Variants in PIP4K2A observed in about 807,000 individuals in gnomAD.
PIP4K2A encodes the protein phosphatidylinositol 5-phosphate 4-kinase type-2 alpha.
A neutral mutation model predicts 42.9 loss-of-function variants in PIP4K2A; 14 were observed. The observed-to-expected ratio is 0.33, with a 90% CI of 0.22 to 0.51. The LOEUF (loss-of-function observed/expected upper bound fraction) is 0.51. Among genes scored for constraint, PIP4K2A ranks in the 20% least tolerant of loss-of-function variants. The pLI, the probability that PIP4K2A is intolerant of heterozygous loss-of-function variation, is 0.97. For synonymous variants in PIP4K2A, 192 were observed against 192.2 expected (o/e 1.00, Z 0.01); for missense variants, 434 against 519.8 (o/e 0.83, Z 1.61).
chr10:22,664,263 A>C (rs1010501586), intron 1 of PIP4K2A, among the ~76,000 whole-genome samples: 1 of 141,440 alleles, frequency 7.1e-6, no homozygotes, highest in African/African-American at 2.6e-5. Context: ...ATATATATAC[A>C]CACACATACA....
chr10:22,562,016 AACCAGAGGT>A (rs1836717486), intron 6 of PIP4K2A, among the ~76,000 whole-genome samples: 1 of 152,216 alleles, frequency 6.6e-6, no homozygotes, highest in Admixed American at 6.5e-5. Context: ...AAATATTTCA[AACCAGAGGT>A]ACCAGTAGAT....
At chr10:22,566,455 C>A (rs988147182) in intron 6 of PIP4K2A, among the ~76,000 whole-genome samples, 1 of 152,112 alleles carries the variant, frequency 6.6e-6, no homozygotes, top group Admixed American at 6.5e-5. Flanking sequence ...GGGGGTCATC[C>A]TTAACCCCCT....
At chr10:22,637,865 C>G (rs1366246658) in intron 1 of PIP4K2A, among the ~76,000 whole-genome samples, 1 of 152,200 alleles carries the variant, frequency 6.6e-6, no homozygotes, top group African/African-American at 2.4e-5. Context: ...TTAAAAGGAT[C>G]TCAGCAAGTA....
intron 6 of PIP4K2A, among the ~76,000 whole-genome samples, chr10:22,552,562 T>C (rs1291827880): frequency 2.0e-5 from 3 of 152,136 alleles, no homozygotes; most frequent in East Asian, 1.9e-4. Context: ...TTCTCTCCTA[T>C]TAGAACTGTA....
chr10:22,652,308 A>G (rs1253529974), intron 1 of PIP4K2A, among the ~76,000 whole-genome samples: 1 of 151,912 alleles, frequency 6.6e-6, no homozygotes, highest in African/African-American at 2.4e-5. Flanking sequence ...TTTAGTAGAG[A>G]CAGGGTTTCA....
intron 1 of PIP4K2A, among the ~76,000 whole-genome samples, chr10:22,698,025 C>T (rs1252293582): frequency 6.6e-6 from 1 of 152,130 alleles, no homozygotes; most frequent in South Asian, 2.1e-4. Flanking sequence ...CAGTGGACAG[C>T]GACCTGCTTC....
intron 1 of PIP4K2A, among the ~76,000 whole-genome samples, chr10:22,655,209 C>T (rs1343991342): frequency 1.3e-5 from 2 of 152,194 alleles, no homozygotes; most frequent in Non-Finnish European, 2.9e-5. Flanking sequence ...AACAATTTGA[C>T]TCAATTGAAA....
At chr10:22,573,096 ATATT>A (rs1837028308) in intron 5 of PIP4K2A, among the ~76,000 whole-genome samples, 1 of 152,180 alleles carries the variant, frequency 6.6e-6, no homozygotes, top group East Asian at 1.9e-4. Context: ...AGTTGGCTGA[ATATT>A]TAAGTAGATG....
Position 22,610,018 on chromosome 10 carries a change from A to C in PIP4K2A, c.145-301T>G, listed in dbSNP as rs146337653. 2.7e-4 allele frequency among the ~76,000 whole-genome samples: 41 copies of C among 152,314 alleles called. No homozygotes were observed. The East Asian group carries it at 6.9e-3, about 26-fold the overall frequency. On this transcript the variant is annotated intron_variant, in intron 1 of 9. Transcript: ENST00000376573. Reference sequence around the variant, plus strand: ...TCCACTCTCCCTACCTTCCCTCCACAACCTCATCCCACAGACCCTTTGGTC... The same window carrying C: ...TCCACTCTCCCTACCTTCCCTCCACCACCTCATCCCACAGACCCTTTGGTC...
intron 1 of PIP4K2A, among the ~76,000 whole-genome samples, chr10:22,662,085 G>A (rs1190387067): frequency 3.3e-5 from 5 of 152,136 alleles, no homozygotes; most frequent in Non-Finnish European, 5.9e-5. Context: ...AAACAAAAAT[G>A]TACCCACCAT....
intron 1 of PIP4K2A, among the ~76,000 whole-genome samples, chr10:22,631,544 T>C (rs1341440806): frequency 6.6e-6 from 1 of 152,102 alleles, no homozygotes; most frequent in Non-Finnish European, 1.5e-5. Flanking sequence ...ATAATAAGTA[T>C]CTGTTATTTA....
intron 1 of PIP4K2A, among the ~76,000 whole-genome samples, chr10:22,673,074 T>C (rs16922580): frequency 0.14 from 21,786 of 152,112 alleles, 1,890 homozygotes; most frequent in African/African-American, 0.23. Context: ...TTGGGGTCTA[T>C]CTGCCTTGCT....
intron 1 of PIP4K2A, among the ~76,000 whole-genome samples, chr10:22,706,933 C>A (rs1833834122): frequency 6.6e-6 from 1 of 151,918 alleles, no homozygotes. Context: ...GATAAAGTAA[C>A]CATTGATTTA....
chr10:22,584,396 T>C (rs181662161), intron 4 of PIP4K2A, among the ~76,000 whole-genome samples: 63 of 151,692 alleles, frequency 4.2e-4, no homozygotes, highest in African/African-American at 1.5e-3. Flanking sequence ...TCACCCAGAA[T>C]TGGGCAGAGA....
chr10:22,550,542 G>A (rs374481001), intron 7 of PIP4K2A, 117 bp downstream of exon 7: 3 of 717,880 alleles, frequency 4.2e-6, no homozygotes, highest in East Asian at 2.5e-5. Flanking sequence ...CCCTAAGGTA[G>A]AGTATGCAGG....
intron 3 of PIP4K2A, among the ~76,000 whole-genome samples, chr10:22,601,281 C>T (rs1167979040): frequency 6.6e-6 from 1 of 152,034 alleles, no homozygotes; most frequent in East Asian, 1.9e-4. Flanking sequence ...GAGGCAAAAC[C>T]CAAAGCAGGT....
rs952500889 is a variant in PIP4K2A, at chr10:22,713,328, A to G, written c.144+855T>C. Reference sequence around the variant, plus strand: ...TTCTCCAGCCTTTCCCACACCCCCCACAGCGGGTGCGGCCAACTCGGGACC... The same window carrying G: ...TTCTCCAGCCTTTCCCACACCCCCCGCAGCGGGTGCGGCCAACTCGGGACC... On this transcript the variant is annotated intron_variant, in intron 1 of 9. Transcript: ENST00000376573. 1.1e-4 allele frequency among the ~76,000 whole-genome samples: 16 copies of G among 151,958 alleles called. No homozygotes were observed. In the East Asian group the frequency reaches 3.1e-3, roughly 30 times the overall value.
intron 1 of PIP4K2A, among the ~76,000 whole-genome samples, chr10:22,649,677 G>A (rs1279504033): frequency 6.6e-6 from 1 of 152,186 alleles, no homozygotes; most frequent in Non-Finnish European, 1.5e-5. Flanking sequence ...CAAGGGAGGG[G>A]CATGCTCCCT....
chr10:22,577,821 A>G (rs1837160149), intron 4 of PIP4K2A, among the ~76,000 whole-genome samples: 1 of 152,196 alleles, frequency 6.6e-6, no homozygotes, highest in South Asian at 2.1e-4. Flanking sequence ...AGTTTCTCTC[A>G]TTAAAGCAAC....
Sources: allele counts gnomAD v4.1 joint callset (sites outside exome capture counted in the v4.1 genomes callset), GRCh38; gene constraint gnomAD v4.1.1; transcripts MANE v1.5; gene names NCBI Gene and HGNC (gene_info 2026-07-23, HGNC 2026-07-21).